Variants in DYRK3 observed in about 807,000 individuals in gnomAD.
DYRK3 encodes the protein dual specificity tyrosine-phosphorylation-regulated kinase 3.
A neutral mutation model predicts 40.8 loss-of-function variants in DYRK3; 30 were observed. The ratio of observed to expected loss-of-function variants is 0.74; its 90% confidence interval spans 0.55 to 1.00. The LOEUF (loss-of-function observed/expected upper bound fraction) is 1.00, where lower values mean the gene tolerates loss of function less well. DYRK3 is among the 50% of genes least tolerant of loss of function. The pLI, the probability that DYRK3 is intolerant of heterozygous loss-of-function variation, is 0.00. For missense variants in DYRK3, 699 were observed against 731.5 expected (o/e 0.96, Z 0.51); for synonymous variants, 272 against 260.7 (o/e 1.04, Z -0.42).
At chr1:206,638,151 G>A (rs925678854) in intron 2 of DYRK3, among the ~76,000 whole-genome samples, 3 of 151,980 alleles carry the variant, frequency 2.0e-5, no homozygotes, top group Non-Finnish European at 4.4e-5. Context: ...TCCCCTGCAC[G>A]GTGGAAATGC....
At chr1:206,636,326 T>A (rs1671108954) in intron 1 of DYRK3, 1 of 172,918 alleles carries the variant, frequency 5.8e-6, no homozygotes, top group Admixed American at 6.0e-5. Context: ...AGACCCTTGC[T>A]CCCCGCTTTA....
chr1:206,648,442 G>A lies in DYRK3; in HGVS notation c.1244G>A (p.Gly415Glu). 1 of 1,614,172 alleles carries A rather than the reference G, an allele frequency of 6.2e-7. No individual in the cohort carries two copies. Among genetic ancestry groups the A allele is most frequent in the Non-Finnish European group, 8.5e-7 (1 of 1,180,030 alleles). The change falls in exon 3 of 3, where the codon GGA becomes GAA. Residue 415 changes from glycine to glutamate, a missense_variant. Physicochemically the swap from Gly to Glu is moderately conservative, Grantham distance 98. Coordinates refer to ENST00000367109, the MANE Select transcript of DYRK3 (RefSeq NM_003582.4). ...GQPLFPGEDE[G>E]DQLACMMELL... ...CCTCTCTTCCCTGGAGAGGATGAAG[G>A]AGACCAGTTGGCCTGCATGATGGAG... is the stretch of plus-strand genomic sequence containing the variant.
intron 1 of DYRK3, chr1:206,636,775 T>C (rs1018887450): frequency 7.8e-6 from 5 of 642,000 alleles, no homozygotes; most frequent in African/African-American, 3.6e-5. Context: ...CTGATGTGTG[T>C]AACTGGGAAA....
chr1:206,638,194 A>G (rs187578749), intron 2 of DYRK3, among the ~76,000 whole-genome samples: 141 of 150,224 alleles, frequency 9.4e-4, no homozygotes, highest in African/African-American at 3.2e-3. Context: ...AAAGAGAACC[A>G]TTTTATAGAT....
At chr1:206,641,280 C>T (rs536500337) in intron 2 of DYRK3, among the ~76,000 whole-genome samples, 40 of 152,014 alleles carry the variant, frequency 2.6e-4, no homozygotes, top group Non-Finnish European at 5.7e-4. Context: ...ATTCTTAAGC[C>T]CTTTCATCGT....
rs199694885 is a variant in DYRK3, at chr1:206,648,131, G to A, written c.933G>A (p.Leu311=). ...AGTTTCAGGGTTTTAGCGTCCAGTT[G>A]GTACGCAAGTTTGCCCAGTCCATCT... The part of the protein sequence containing the change: ...KNKFQGFSVQ[L]VRKFAQSILQ... The change falls in exon 3 of 3, where the codon TTG becomes TTA. Residue 311 remains leucine (L), a synonymous_variant. Transcript: ENST00000367109. The A allele has an allele frequency of 1.9e-6, 3 of 1,613,986 alleles. No individual in the cohort carries two copies. Among genetic ancestry groups the A allele is most frequent in the Non-Finnish European group, 2.5e-6 (3 of 1,180,026 alleles).
At chr1:206,641,182 G>A (rs186109879) in intron 2 of DYRK3, among the ~76,000 whole-genome samples, 37 of 151,854 alleles carry the variant, frequency 2.4e-4, no homozygotes, top group African/African-American at 7.7e-4. Context: ...CCCATTACCC[G>A]AGCAGTGTAT....
intron 2 of DYRK3, among the ~76,000 whole-genome samples, chr1:206,644,273 G>C (rs1277915375): frequency 6.6e-6 from 1 of 151,934 alleles, no homozygotes; most frequent in African/African-American, 2.4e-5. Context: ...GACCTCAGGT[G>C]ATCTGCCCAC....
intron 2 of DYRK3, among the ~76,000 whole-genome samples, chr1:206,644,385 G>C (rs1317382222): frequency 6.6e-6 from 1 of 151,958 alleles, no homozygotes; most frequent in African/African-American, 2.4e-5. Context: ...CAGGCCTTCT[G>C]ACTCCCTGTT....
chr1:206,654,846 T>G lies in DYRK3; in HGVS notation c.*5881T>G, dbSNP rs571049790. On this transcript the variant is annotated 3_prime_UTR_variant, in exon 3 of 3. Coordinates refer to ENST00000367109, the MANE Select transcript of DYRK3 (RefSeq NM_003582.4). Reference sequence around the variant, plus strand: ...CCATCGCTAAGTCAAGCCTAGACTCTAATATTTTTCTATAACAGGAGAAGC... The same window carrying G: ...CCATCGCTAAGTCAAGCCTAGACTCGAATATTTTTCTATAACAGGAGAAGC... Among the ~76,000 whole-genome samples, 89 of 152,338 alleles carry G rather than the reference T, an allele frequency of 5.8e-4. No individual in the cohort carries two copies. Among genetic ancestry groups the G allele is most frequent in the African/African-American group, 2.1e-3 (89 of 41,588 alleles).
intron 1 of DYRK3, chr1:206,636,856 C>G (rs1671126179): frequency 1.3e-6 from 2 of 1,543,078 alleles, no homozygotes; most frequent in Admixed American, 3.8e-5. Flanking sequence ...TCCTCTCCGT[C>G]TTTTGTGTTC....
intron 2 of DYRK3, among the ~76,000 whole-genome samples, chr1:206,647,032 A>G (rs1352830346): frequency 6.6e-6 from 1 of 152,144 alleles, no homozygotes; most frequent in Non-Finnish European, 1.5e-5. Context: ...GAGAGGAATT[A>G]AACTGGGCTT....
rs1671635504 is a variant in DYRK3, at chr1:206,651,643, A to G, written c.*2678A>G. On this transcript the variant is annotated 3_prime_UTR_variant, in exon 3 of 3. Transcript: ENST00000367109. ...AGTGTCATGACCCTCCAGTTGAAAC[A>G]AAGCATGAGTTATTTTTATATCGAG... is the stretch of plus-strand genomic sequence containing the variant. Among the ~76,000 whole-genome samples, 2 of 152,212 alleles carry G rather than the reference A, an allele frequency of 1.3e-5. No individual in the cohort carries two copies. The highest frequency in any genetic ancestry group is 4.1e-4 in the South Asian group (2 of 4,830).
In DYRK3 at chr1:206,648,402, C is replaced by G; in HGVS notation, c.1204C>G (p.Leu402Val). 6.2e-7 allele frequency: 1 copy of G among 1,614,142 alleles called. No individual in the cohort carries two copies. The highest frequency in any genetic ancestry group is 1.1e-5 in the South Asian group (1 of 91,088). Residue 402 changes from leucine (L) to valine (V), a missense_variant, in exon 3 of 3, where the codon CTT (leucine) becomes GTT (valine). Physicochemically the swap from Leu to Val is conservative, Grantham distance 32. Coordinates refer to ENST00000367109, the MANE Select transcript of DYRK3 (RefSeq NM_003582.4). Reference protein sequence around the residue: ...IWSFGCILAELLTGQPLFPGE... With the variant: ...IWSFGCILAEVLTGQPLFPGE... ...GAGTTTTGGCTGCATCCTTGCAGAA[C>G]TTTTAACAGGACAGCCTCTCTTCCC...
At position 206,649,574 on chromosome 1, in the gene DYRK3, C is replaced by T. The variant is rs1214349251; in HGVS notation, c.*609C>T. On this transcript the variant is annotated 3_prime_UTR_variant, in exon 3 of 3. Coordinates refer to ENST00000367109, the MANE Select transcript of DYRK3 (RefSeq NM_003582.4). ...TTATTATTTTATGTTGTTATTTTGC[C>T]TCTGATTTGTTTCCTAGTCACTCAA... Among the ~76,000 whole-genome samples, 1 of 152,160 alleles carries T rather than the reference C, an allele frequency of 6.6e-6. No individual in the cohort carries two copies. Among genetic ancestry groups the T allele is most frequent in the Non-Finnish European group, 1.5e-5 (1 of 68,036 alleles).
At chr1:206,635,909 G>C (rs1178470975) in intron 1 of DYRK3, 129 bp downstream of exon 1, 2 of 1,290,906 alleles carry the variant, frequency 1.5e-6, no homozygotes, top group Non-Finnish European at 2.0e-6. Context: ...GGGTCTGACT[G>C]CCTCCCCGGG....
Position 206,648,806 on chromosome 1 carries a change from G to A in DYRK3, c.1608G>A (p.Val536=), listed in dbSNP as rs200820369. The A allele has an allele frequency of 1.4e-5, 23 of 1,614,118 alleles. No individual in the cohort carries two copies. The East Asian group carries it at 4.5e-4, about 31-fold the overall frequency. Residue 536 remains valine (V), a synonymous_variant, in exon 3 of 3, where the codon GTG becomes GTA. Transcript: ENST00000367109. ...VPRPLTTIDK[V]SGKRVVNPAS... is the part of the protein sequence containing the mutation. ...GACCTCTCACCACCATAGACAAGGT[G>A]TCAGGGAAACGGGTAGTTAATCCTG...
At chr1:206,640,950 A>G (rs764092888) in intron 2 of DYRK3, among the ~76,000 whole-genome samples, 50 of 152,214 alleles carry the variant, frequency 3.3e-4, no homozygotes, top group Non-Finnish European at 6.5e-4. Flanking sequence ...ATTCTTATGA[A>G]ATAAAACATG....
rs10633836 is a variant in DYRK3, at chr1:206,641,445, G to GTATA, written c.189+3695_189+3698dup. On this transcript the variant is annotated intron_variant, in intron 2 of 2. Coordinates refer to ENST00000367109, the MANE Select transcript of DYRK3 (RefSeq NM_003582.4). ...TTTTATGGCTAAATAGTATTCTATG[G>GTATA]TATATATATATATACCATAATTTCT... 8.2e-3 allele frequency among the ~76,000 whole-genome samples: 1,212 copies of GTATA among 148,132 alleles called. 28 individuals are homozygous for GTATA. Among genetic ancestry groups the GTATA allele is most frequent in the Middle Eastern group, 0.01 (3 of 288 alleles).
Sources: allele counts gnomAD v4.1 joint callset (sites outside exome capture counted in the v4.1 genomes callset), GRCh38; gene constraint gnomAD v4.1.1; transcripts MANE v1.5; gene names NCBI Gene and HGNC (gene_info 2026-07-23, HGNC 2026-07-21).